NAV1: variants seen among roughly 807,000 people sequenced by gnomAD.
NAV1 encodes the protein pore membrane and/or filament interacting like protein 3.
In NAV1, 18 loss-of-function variants were observed where a neutral mutation model predicts 175.2. The ratio of observed to expected loss-of-function variants is 0.10; its 90% CI spans 0.07 to 0.15. The LOEUF is 0.15. Ranked by LOEUF, NAV1 falls within the 10% of genes least tolerant of loss-of-function variation. The probability of loss-of-function intolerance (pLI) is 1.00; values close to 1 mark genes in which losing one functional copy is unlikely to be tolerated. For missense variants in NAV1, 1,731 were observed against 2,436.6 expected (o/e 0.71, Z 6.10); for synonymous variants, 897 against 978.7 (o/e 0.92, Z 1.56).
chr1:201,561,697 TTCTG>T (rs1360293786), intron 1 of NAV1, among the ~76,000 whole-genome samples: 2 of 152,226 alleles, frequency 1.3e-5, no homozygotes, highest in Non-Finnish European at 2.9e-5. Context: ...GGGGGCAGGG[TTCTG>T]TCTCTTCCAT....
At chr1:201,598,366 T>C (rs1413925389) in intron 2 of NAV1, among the ~76,000 whole-genome samples, 1 of 151,996 alleles carries the variant, frequency 6.6e-6, no homozygotes, top group African/African-American at 2.4e-5. Flanking sequence ...TGCTGGAGGA[T>C]CTTAGAGGAC....
At chr1:201,809,961 A>C (rs1449530741) in exon 23 of NAV1, 1 of 1,612,774 alleles carries the variant, frequency 6.2e-7, no homozygotes, top group Admixed American at 1.7e-5. Flanking sequence ...TATTTCTAAA[A>C]TGGACCCAGC....
At chr1:201,815,725 G>T (rs745920187) in intron 28 of NAV1, among the ~76,000 whole-genome samples, 1 of 152,088 alleles carries the variant, frequency 6.6e-6, no homozygotes, top group Admixed American at 6.6e-5. Flanking sequence ...CTCACTAAGA[G>T]AATAGTTTTT....
chr1:201,656,049 C>A (rs1007708434), intron 1 of NAV1, among the ~76,000 whole-genome samples: 2 of 152,220 alleles, frequency 1.3e-5, no homozygotes, highest in Admixed American at 6.5e-5. Flanking sequence ...CTCCAGCAGG[C>A]CCCAGGCTCT....
At chr1:201,653,370 A>G (rs1202439407) in intron 1 of NAV1, among the ~76,000 whole-genome samples, 1 of 152,188 alleles carries the variant, frequency 6.6e-6, no homozygotes, top group Non-Finnish European at 1.5e-5. Context: ...TTCATCTCAA[A>G]GGTGTCTGGA....
intron 2 of NAV1, among the ~76,000 whole-genome samples, chr1:201,617,242 G>C (rs544703392): frequency 2.2e-4 from 30 of 136,994 alleles, no homozygotes; most frequent in Admixed American, 3.0e-4. Context: ...CTCTCTCTCT[G>C]TCTGTCACAC....
exon 25 of NAV1, chr1:201,811,709 C>T: frequency 6.2e-7 from 1 of 1,612,092 alleles, no homozygotes; most frequent in South Asian, 1.1e-5. Flanking sequence ...GAAGCAGGCT[C>T]CATCAGTGAG....
At chr1:201,603,678 G>T (rs755389394) in intron 2 of NAV1, among the ~76,000 whole-genome samples, 27 of 152,166 alleles carry the variant, frequency 1.8e-4, no homozygotes, top group Non-Finnish European at 3.1e-4. Flanking sequence ...AGGCCAGGCA[G>T]GGAGTTGGGA....
chr1:201,553,073 G>A lies in NAV1; in HGVS notation c.-144+13731G>A, dbSNP rs1292026939. Among the ~76,000 whole-genome samples the A allele has an allele frequency of 5.3e-5, 8 of 152,346 alleles. No homozygotes were observed. In the East Asian group the frequency reaches 1.2e-3, roughly 22 times the overall value. On this transcript the variant is annotated intron_variant, in intron 1 of 33. Transcript: ENST00000685211. ...GCCCAGGCTGTGTTTCCAGGGCATT[G>A]TAAATAGCACCCGCTTGGCTCTGGA...
In NAV1 at chr1:201,615,498, C is replaced by T. The variant is rs561419928; in HGVS notation, c.-32-7355C>T. 3.3e-5 allele frequency among the ~76,000 whole-genome samples: 5 copies of T among 152,184 alleles called. No individual in the cohort carries two copies. In the South Asian group the frequency reaches 6.2e-4, roughly 19 times the overall value. On this transcript the variant is annotated intron_variant, in intron 2 of 33. Transcript: ENST00000685211. ...TAGGCTGGTTTTGAACCCCTGACCT[C>T]GTGATCCACCCACCTTGACCTCCCA...
intron 28 of NAV1, among the ~76,000 whole-genome samples, chr1:201,815,942 T>C (rs1381622378): frequency 6.6e-6 from 1 of 152,084 alleles, no homozygotes; most frequent in Non-Finnish European, 1.5e-5. Flanking sequence ...TTCTCCTTGT[T>C]GGTCAGGCTG....
At chr1:201,546,692 C>T (rs1344896648) in intron 1 of NAV1, among the ~76,000 whole-genome samples, 1 of 152,078 alleles carries the variant, frequency 6.6e-6, no homozygotes, top group East Asian at 2.0e-4. Flanking sequence ...GTCACGAGAT[C>T]AGGAGATCTA....
chr1:201,549,209 T>C lies in NAV1; in HGVS notation c.-144+9867T>C, dbSNP rs189667558. Among the ~76,000 whole-genome samples the C allele has an allele frequency of 8.6e-5, 13 of 151,496 alleles. No individual in the cohort carries two copies. In the East Asian group the frequency reaches 2.5e-3, roughly 29 times the overall value. On this transcript the variant is annotated intron_variant, in intron 1 of 33. Transcript: ENST00000685211. ...CCTTCCTTCCTTCCTTCTTTCTTTC[T>C]TTCCTTCTTTCTTTTTTTGACAAAG...
chr1:201,718,395 T>C lies in NAV1; in HGVS notation c.866T>C (p.Leu289Pro), dbSNP rs899067586. ...GCCTTCTGCTCTCCACCCAGCTCCC[T>C]GGAGATGACCTGCTACGACAGCGAT... Residue 289 changes from leucine to proline, a missense_variant, in exon 3 of 30, where the codon CTG becomes CCG. Physicochemically the swap from Leu to Pro is moderately conservative, Grantham distance 98. Transcript: ENST00000367296. The surrounding 1 kb of genome is among the most constrained non-coding windows in gnomAD (Gnocchi z 4.8). 3 of 1,538,534 alleles carry C rather than the reference T, an allele frequency of 1.9e-6. No homozygotes were observed. The highest frequency in any genetic ancestry group is 8.8e-7 in the Non-Finnish European group (1 of 1,137,436).
chr1:201,802,198 G>T (rs12119128), intron 15 of NAV1, among the ~76,000 whole-genome samples: 1 of 138,542 alleles, frequency 7.2e-6, no homozygotes, highest in African/African-American at 2.5e-5. Context: ...TCAGCTACTC[G>T]AGAAGCTGAG....
At chr1:201,768,521 C>T (rs979270565) in intron 3 of NAV1, among the ~76,000 whole-genome samples, 66 of 151,618 alleles carry the variant, frequency 4.4e-4, no homozygotes, top group African/African-American at 1.6e-3. Flanking sequence ...ACATGTAGTC[C>T]CAGCTACTTG....
At chr1:201,579,909 G>A (rs1666799449) in intron 1 of NAV1, among the ~76,000 whole-genome samples, 2 of 152,194 alleles carry the variant, frequency 1.3e-5, no homozygotes, top group East Asian at 3.9e-4. Context: ...GAAGAACCAG[G>A]GAAGCCAGTA....
At position 201,677,348 on chromosome 1, in the gene NAV1, A is replaced by G. The variant is rs564658956; in HGVS notation, c.757+27923A>G. ...AGAAGGTCTGAGCAAAGCTTGGAAA[A>G]CAGGAAAGGACCACTATGTTGTGAT... On this transcript the variant is annotated intron_variant, in intron 1 of 29. Coordinates refer to ENST00000367296, the Ensembl canonical transcript of NAV1. 2.6e-5 allele frequency among the ~76,000 whole-genome samples: 4 copies of G among 152,012 alleles called. No homozygotes were observed. The South Asian group carries it at 8.3e-4, about 32-fold the overall frequency.
upstream of NAV1, among the ~76,000 whole-genome samples, chr1:201,620,182 C>G (rs1457327015): frequency 6.6e-6 from 1 of 152,170 alleles, no homozygotes; most frequent in Non-Finnish European, 1.5e-5. Flanking sequence ...TCAGCAACAG[C>G]CATAAACAAT....
Sources: gnomAD v4.1 joint callset for allele counts (sites outside exome capture counted in the v4.1 genomes callset) on GRCh38, gnomAD v4.1.1 for gene constraint, Gnocchi (gnomAD v3.1) non-coding constraint, MANE v1.5 for transcripts, NCBI Gene and HGNC (gene_info 2026-07-23, HGNC 2026-07-21) for gene names.